The following ENAH variants were observed in gnomAD, a reference collection of about 807,000 sequenced individuals.
ENAH encodes protein enabled homolog.
A neutral mutation model predicts 78.7 loss-of-function variants in ENAH; 23 were observed. The ratio of observed to expected loss-of-function variants is 0.29; its 90% CI spans 0.21 to 0.41. The LOEUF (loss-of-function observed/expected upper bound fraction) is 0.41. ENAH is among the 10% of genes least tolerant of loss of function. The probability of loss-of-function intolerance (pLI) is 1.00; values close to 1 mark genes in which losing one functional copy is unlikely to be tolerated. For synonymous variants in ENAH, 226 were observed against 241.0 expected (o/e 0.94, Z 0.58); for missense variants, 544 against 691.0 (o/e 0.79, Z 2.39).
intron 3 of ENAH, among the ~76,000 whole-genome samples, chr1:225,535,735 A>C (rs1395220701): frequency 1.3e-5 from 2 of 152,182 alleles, no homozygotes; most frequent in Admixed American, 1.3e-4. Flanking sequence ...CCTCTTTAAC[A>C]TAGGCTCTTA....
chr1:225,506,274 G>A (rs530529843), intron 11 of ENAH, among the ~76,000 whole-genome samples: 4 of 152,314 alleles, frequency 2.6e-5, no homozygotes, highest in African/African-American at 7.2e-5. Flanking sequence ...TGCAACCTCC[G>A]TCTCCCAGGT....
chr1:225,556,401 A>G (rs1034261815), intron 2 of ENAH, among the ~76,000 whole-genome samples: 29 of 152,118 alleles, frequency 1.9e-4, no homozygotes, highest in African/African-American at 6.3e-4. Context: ...TATTTTAGCA[A>G]TTCTGGTGGG....
chr1:225,563,658 C>T (rs2096719995), intron 2 of ENAH, among the ~76,000 whole-genome samples: 1 of 152,040 alleles, frequency 6.6e-6, no homozygotes, highest in Admixed American at 6.5e-5. Context: ...TTGTTTTTTA[C>T]TCATTACTAC....
At chr1:225,521,785 TTTTTG>T (rs894749826) in intron 4 of ENAH, among the ~76,000 whole-genome samples, 21 of 151,918 alleles carry the variant, frequency 1.4e-4, no homozygotes, top group African/African-American at 4.6e-4. Flanking sequence ...AACGATAGTT[TTTTTG>T]TTTTGTTTTG....
chr1:225,642,700 T>C (rs1446008443), intron 1 of ENAH, among the ~76,000 whole-genome samples: 1 of 152,142 alleles, frequency 6.6e-6, no homozygotes, highest in African/African-American at 2.4e-5. Flanking sequence ...TAATATCGGA[T>C]ACGATATATG....
At chr1:225,576,882 C>T (rs1032317346) in intron 1 of ENAH, among the ~76,000 whole-genome samples, 1 of 152,160 alleles carries the variant, frequency 6.6e-6, no homozygotes, top group African/African-American at 2.4e-5. Flanking sequence ...CACCTGTAAT[C>T]CCAGCACTTT....
At chr1:225,544,556 A>C (rs1327600166) in intron 3 of ENAH, among the ~76,000 whole-genome samples, 3 of 152,210 alleles carry the variant, frequency 2.0e-5, no homozygotes, top group Non-Finnish European at 4.4e-5. Context: ...TGAGACATGA[A>C]ACCCATATTT....
intron 11 of ENAH, among the ~76,000 whole-genome samples, chr1:225,506,960 A>G (rs1210802226): frequency 6.6e-6 from 1 of 152,240 alleles, no homozygotes; most frequent in Non-Finnish European, 1.5e-5. Context: ...AAGAAAAGAC[A>G]AAATACCTTT....
intron 4 of ENAH, among the ~76,000 whole-genome samples, chr1:225,523,326 C>T (rs1206743003): frequency 6.6e-6 from 1 of 151,106 alleles, no homozygotes; most frequent in East Asian, 2.0e-4. Context: ...GAAGGCCAGG[C>T]ATGGGTGAGG....
chr1:225,646,067 T>C (rs1661901689), intron 1 of ENAH, among the ~76,000 whole-genome samples: 1 of 152,144 alleles, frequency 6.6e-6, no homozygotes, highest in Admixed American at 6.6e-5. Context: ...CCCTAATTTA[T>C]CTTCTTTAGT....
chr1:225,624,658 A>C (rs1234795868), intron 1 of ENAH, among the ~76,000 whole-genome samples: 1 of 139,352 alleles, frequency 7.2e-6, no homozygotes, highest in Non-Finnish European at 1.5e-5. Flanking sequence ...TAAATAAATA[A>C]ATATTTTAAA....
At chr1:225,520,241 G>A (rs2096456699) in intron 4 of ENAH, among the ~76,000 whole-genome samples, 1 of 151,512 alleles carries the variant, frequency 6.6e-6, no homozygotes. Flanking sequence ...GCTGCAGTGA[G>A]CCGAGATCGT....
intron 1 of ENAH, among the ~76,000 whole-genome samples, chr1:225,594,928 A>G (rs2096895108): frequency 6.6e-6 from 1 of 152,250 alleles, no homozygotes; most frequent in Admixed American, 6.5e-5. Context: ...TCAAGAAAAA[A>G]TAGGTATACA....
intron 3 of ENAH, among the ~76,000 whole-genome samples, chr1:225,544,710 GAC>G (rs1311491032): frequency 2.0e-5 from 3 of 152,240 alleles, no homozygotes; most frequent in African/African-American, 7.2e-5. Context: ...AGCTTTCCCA[GAC>G]AGTTAGTGAA....
At chr1:225,600,412 G>A (rs938263139) in intron 1 of ENAH, among the ~76,000 whole-genome samples, 7 of 152,062 alleles carry the variant, frequency 4.6e-5, no homozygotes, top group Non-Finnish European at 8.8e-5. Flanking sequence ...CTAAAGTAAT[G>A]TTTAATGGGA....
intron 2 of ENAH, among the ~76,000 whole-genome samples, chr1:225,555,653 G>A (rs1025095418): frequency 2.0e-5 from 3 of 151,722 alleles, no homozygotes; most frequent in Non-Finnish European, 2.9e-5. Flanking sequence ...CTTGTTTGCT[G>A]AAGTTTTACA....
chr1:225,571,459 C>T (rs2096762053), intron 1 of ENAH, among the ~76,000 whole-genome samples: 1 of 152,176 alleles, frequency 6.6e-6, no homozygotes, highest in South Asian at 2.1e-4. Flanking sequence ...CCTCTACTCA[C>T]CTTTTATAAC....
At chr1:225,563,800 C>T (rs1031557659) in intron 2 of ENAH, among the ~76,000 whole-genome samples, 4 of 152,186 alleles carry the variant, frequency 2.6e-5, no homozygotes, top group African/African-American at 9.7e-5. Context: ...AAATATCATT[C>T]TCTACAATGG....
At chr1:225,556,546 T>A (rs1575515751) in intron 2 of ENAH, among the ~76,000 whole-genome samples, 1 of 152,298 alleles carries the variant, frequency 6.6e-6, no homozygotes, top group East Asian at 1.9e-4. Flanking sequence ...AACTTTTTTC[T>A]TCTTTGATTT....
Sources: gnomAD v4.1 joint callset for allele counts (sites outside exome capture counted in the v4.1 genomes callset) on GRCh38, gnomAD v4.1.1 for gene constraint, MANE v1.5 for transcripts, NCBI Gene and HGNC (gene_info 2026-07-23, HGNC 2026-07-21) for gene names.